Variants in ETV5 observed in about 807,000 individuals in gnomAD.
The protein encoded by ETV5 is ETS variant transcription factor 5, also known as ETS translocation variant 5.
ETV5 carries 10 observed loss-of-function variants against 70.0 expected under a neutral mutation model. The ratio of observed to expected loss-of-function variants is 0.14; its 90% CI spans 0.09 to 0.24. ETV5 has a LOEUF of 0.24. Among genes scored for constraint, ETV5 ranks in the 10% least tolerant of loss-of-function variants. The pLI, the probability that ETV5 is intolerant of heterozygous loss-of-function variation, is 1.00. For synonymous variants in ETV5, 216 were observed against 242.2 expected (o/e 0.89, Z 1.01); for missense variants, 453 against 651.2 (o/e 0.70, Z 3.31).
chr3:186,107,863 A>G (rs1714628940), intron 1 of ETV5, among the ~76,000 whole-genome samples: 2 of 151,758 alleles, frequency 1.3e-5, no homozygotes, highest in Admixed American at 6.6e-5. Flanking sequence ...CTTCCACCCA[A>G]TTCTCAGCCT....
chr3:186,076,536 T>TCC lies in ETV5; in HGVS notation c.650+3279_650+3280dup, dbSNP rs1713795113. The TCC allele has an allele frequency of 1.6e-5, 3 of 182,640 alleles. No homozygotes were observed. In the Admixed American group the frequency reaches 1.9e-4, roughly 11 times the overall value. The allele number at this position is 182,640 out of a possible 1,614,324, so 11.3% of individuals were successfully genotyped here. ...CAGGACTCCCGAGGGCAAGTGATCC[T>TCC]CCCACCTCAGCCTCTCAAGTAACTG... is the stretch of plus-strand genomic sequence containing the variant. On this transcript the variant is annotated intron_variant, in intron 7 of 12. Coordinates refer to ENST00000306376, the MANE Select transcript of ETV5 (RefSeq NM_004454.3).
At chr3:186,079,252 A>G (rs992075547) in intron 7 of ETV5, 3 of 258,602 alleles carry the variant, frequency 1.2e-5, no homozygotes, top group Non-Finnish European at 2.1e-5. Context: ...TGGACAAGTT[A>G]CTCCTGATGC....
intron 5 of ETV5, among the ~76,000 whole-genome samples, chr3:186,098,276 C>G (rs1438530670): frequency 6.6e-6 from 1 of 152,232 alleles, no homozygotes; most frequent in Non-Finnish European, 1.5e-5. Context: ...CGGAGAGAAA[C>G]AGACTTCAGT....
chr3:186,070,043 C>T (rs1713563835), intron 7 of ETV5, among the ~76,000 whole-genome samples: 3 of 152,134 alleles, frequency 2.0e-5, no homozygotes, highest in African/African-American at 7.2e-5. Context: ...AACTCCTGAC[C>T]TCAAGTGATC....
chr3:186,071,741 T>G (rs1713642942), intron 7 of ETV5, among the ~76,000 whole-genome samples: 1 of 151,702 alleles, frequency 6.6e-6, no homozygotes, highest in African/African-American at 2.4e-5. Flanking sequence ...GATCACCTTG[T>G]GAGTTCCTTA....
intron 1 of ETV5, chr3:186,106,917 A>G: frequency 1.0e-6 from 1 of 982,890 alleles, no homozygotes; most frequent in Non-Finnish European, 1.2e-6. Context: ...TAAGTCAACA[A>G]AAGGTGGAAA....
At chr3:186,083,942 G>A (rs1233735590) in intron 5 of ETV5, among the ~76,000 whole-genome samples, 3 of 152,190 alleles carry the variant, frequency 2.0e-5, no homozygotes, top group Non-Finnish European at 4.4e-5. Context: ...TGGGACTAGA[G>A]GATGTGTGAA....
At position 186,046,499 on chromosome 3, in the gene ETV5, C is replaced by A. The variant is rs1004180554; in HGVS notation, c.*2140G>T. ...CAAACAAACAAACCCCAAAGAACCC[C>A]CGAAAAAAACAAAAACCATCCGGGA... On this transcript the variant is annotated 3_prime_UTR_variant, in exon 13 of 13. Coordinates refer to ENST00000306376, the MANE Select transcript of ETV5 (RefSeq NM_004454.3). 1.3e-5 allele frequency: 3 copies of A among 231,576 alleles called. No homozygotes were observed. The highest frequency in any genetic ancestry group is 6.6e-5 in the African/African-American group (3 of 45,138). The allele number at this position is 231,576 out of a possible 1,614,324, so 14.3% of individuals were successfully genotyped here. A position where few individuals can be genotyped will look rare whatever the true frequency, so the allele number is the denominator to read the frequency against.
chr3:186,076,520 C>G, intron 7 of ETV5: 1 of 182,574 alleles, frequency 5.5e-6, no homozygotes, highest in Non-Finnish European at 1.2e-5. Context: ...CCAGGACTCC[C>G]GAGGGCAAGT....
intron 5 of ETV5, among the ~76,000 whole-genome samples, chr3:186,101,338 G>A (rs1284716584): frequency 1.3e-5 from 2 of 152,204 alleles, no homozygotes; most frequent in Non-Finnish European, 2.9e-5. Flanking sequence ...CTGGGGTACA[G>A]TGGTGTGATC....
intron 5 of ETV5, among the ~76,000 whole-genome samples, chr3:186,084,495 TCA>T (rs1162600531): frequency 2.0e-5 from 3 of 149,914 alleles, no homozygotes; most frequent in Admixed American, 2.0e-4. Flanking sequence ...ATTCATTCAT[TCA>T]CAGAGTATCT....
intron 7 of ETV5, among the ~76,000 whole-genome samples, chr3:186,067,764 A>C (rs1187096836): frequency 6.6e-6 from 1 of 152,196 alleles, no homozygotes; most frequent in African/African-American, 2.4e-5. Context: ...TATAACTTAA[A>C]AAGACATCGG....
intron 5 of ETV5, among the ~76,000 whole-genome samples, chr3:186,098,442 C>G (rs1714366179): frequency 6.6e-6 from 1 of 152,082 alleles, no homozygotes; most frequent in South Asian, 2.1e-4. Flanking sequence ...GGAGACACTA[C>G]CAGATTTTCT....
Position 186,048,800 on chromosome 3 carries a change from C to T in ETV5, c.1372G>A (p.Ala458Thr), listed in dbSNP as rs760388962. 28 of 1,613,956 alleles carry T rather than the reference C, an allele frequency of 1.7e-5. No individual in the cohort carries two copies. Residue 458 changes from alanine to threonine, a missense_variant, in exon 13 of 13, where the codon GCT becomes ACT. Coordinates refer to ENST00000306376, the MANE Select transcript of ETV5 (RefSeq NM_004454.3). ...AACGGACGCTGGTTATCCGGGAAAG[C>T]CATGGAGAAGAGGGCATCTGGGTCA... ...VCDPDALFSM[A>T]FPDNQRPFLK... is the part of the protein sequence containing the mutation.
At chr3:186,101,953 C>G (rs150637996) in intron 5 of ETV5, among the ~76,000 whole-genome samples, 13 of 152,262 alleles carry the variant, frequency 8.5e-5, no homozygotes, top group African/African-American at 3.1e-4. Context: ...TGAATTTGAC[C>G]TTTCAGAGTC....
chr3:186,101,537 CTT>C (rs1714458204), intron 5 of ETV5, among the ~76,000 whole-genome samples: 1 of 152,096 alleles, frequency 6.6e-6, no homozygotes, highest in South Asian at 2.1e-4. Flanking sequence ...TATTGAGTAA[CTT>C]TCTCAGGATC....
rs565544944 is a variant in ETV5, at chr3:186,057,026, T to A, written c.1209+49A>T. On this transcript the variant is annotated intron_variant, in intron 11 of 12. Coordinates refer to ENST00000306376, the MANE Select transcript of ETV5 (RefSeq NM_004454.3). The surrounding 1 kb of genome is among the most constrained non-coding windows in gnomAD (Gnocchi z 4.9). ...ATGGAAATCTAAACAAAAAACATCA[T>A]CAACAACAACAAATCAAAACCCGTC... 1.3e-6 allele frequency: 2 copies of A among 1,584,412 alleles called. No homozygotes were observed. The highest frequency in any genetic ancestry group is 1.8e-5 in the Admixed American group (1 of 56,482).
At position 186,105,800 on chromosome 3, in the gene ETV5, A is replaced by C. The variant is rs113312493; in HGVS notation, c.45+24T>G. On this transcript the variant is annotated intron_variant, in intron 2 of 12. Coordinates refer to ENST00000306376, the MANE Select transcript of ETV5 (RefSeq NM_004454.3). The surrounding 1 kb of genome is among the most constrained non-coding windows in gnomAD (Gnocchi z 4.5). ...TCATATTGGAGAGGGAGGACAAAAC[A>C]AACCAAAAGCCACATAAACTTACCC... The C allele has an allele frequency of 2.7e-3, 4,288 of 1,612,852 alleles. 8 individuals carry two copies. The highest frequency in any genetic ancestry group is 3.4e-3 in the Non-Finnish European group (4,032 of 1,178,826).
intron 5 of ETV5, chr3:186,084,282 TAAAAAA>T: frequency 3.2e-4 from 69 of 216,638 alleles, no homozygotes; most frequent in Middle Eastern, 1.6e-3. Context: ...AAAGAAATGC[TAAAAAA>T]AAAAAAAAAA....
Sources: gnomAD v4.1 joint callset for allele counts (sites outside exome capture counted in the v4.1 genomes callset) on GRCh38, gnomAD v4.1.1 for gene constraint, Gnocchi (gnomAD v3.1) non-coding constraint, MANE v1.5 for transcripts, NCBI Gene and HGNC (gene_info 2026-07-23, HGNC 2026-07-21) for gene names.